NCOA1: variants seen among roughly 807,000 people sequenced by gnomAD.
The protein encoded by NCOA1 is Hin-2 protein.
In NCOA1, 35 loss-of-function variants were observed where a neutral mutation model predicts 150.9. The observed-to-expected ratio is 0.23, with a 90% CI of 0.18 to 0.31. NCOA1 has a LOEUF of 0.31. Ranked by LOEUF, NCOA1 falls within the 10% of genes least tolerant of loss-of-function variation. The probability of loss-of-function intolerance (pLI) is 1.00; values close to 1 mark genes in which losing one functional copy is unlikely to be tolerated. For missense variants in NCOA1, 1,491 were observed against 1,749.3 expected, an observed-to-expected ratio of 0.85 and a Z score of 2.63; for synonymous variants, 590 against 630.0, an observed-to-expected ratio of 0.94 and a Z score of 0.95.
intron 5 of NCOA1, among the ~76,000 whole-genome samples, chr2:24,663,490 A>G (rs1280912244): frequency 2.0e-5 from 3 of 152,162 alleles, no homozygotes; most frequent in African/African-American, 7.2e-5. Context: ...GTATAGGAGT[A>G]TTTGTTGAGT....
At chr2:24,692,321 A>C (rs1484685697) in intron 9 of NCOA1, among the ~76,000 whole-genome samples, 3 of 152,216 alleles carry the variant, frequency 2.0e-5, no homozygotes, top group African/African-American at 7.2e-5. Flanking sequence ...CAGGAAACGG[A>C]GGTAACAATC....
At chr2:24,752,850 A>G (rs1291560461) in intron 20 of NCOA1, among the ~76,000 whole-genome samples, 1 of 150,438 alleles carries the variant, frequency 6.6e-6, no homozygotes, top group Non-Finnish European at 1.5e-5. Context: ...TGACTCACCC[A>G]TCTTGCTTAG....
intron 1 of NCOA1, among the ~76,000 whole-genome samples, chr2:24,505,744 C>G (rs910085223): frequency 6.6e-6 from 1 of 152,086 alleles, no homozygotes; most frequent in Admixed American, 6.6e-5. Flanking sequence ...ACACTTCATT[C>G]TCTTGGACAC....
intron 2 of NCOA1, among the ~76,000 whole-genome samples, chr2:24,577,733 A>G (rs1312561108): frequency 2.0e-5 from 3 of 152,224 alleles, no homozygotes; most frequent in African/African-American, 7.2e-5. Context: ...TAGTCACACC[A>G]GTGTCTTCCA....
intron 19 of NCOA1, among the ~76,000 whole-genome samples, chr2:24,750,587 T>A (rs546399793): frequency 6.6e-6 from 1 of 152,356 alleles, no homozygotes; most frequent in African/African-American, 2.4e-5. Flanking sequence ...CAGAAGACCA[T>A]GTATGGCTAC....
rs1048819676 is a variant in NCOA1 at position 24,727,106 on chromosome 2, C to T, written c.2717+400C>T. On this transcript the variant is annotated intron_variant, in intron 15 of 22. Coordinates refer to ENST00000348332, the MANE Select transcript of NCOA1 (RefSeq NM_003743.5). Reference sequence around the variant, plus strand: ...TGAGCCAAGATTGCGCCATTGCACTCCAGCCTGGGCAACAAGAGTGAAACT... The same window carrying T: ...TGAGCCAAGATTGCGCCATTGCACTTCAGCCTGGGCAACAAGAGTGAAACT... Among the ~76,000 whole-genome samples, 8 of 146,118 alleles carry T rather than the reference C, an allele frequency of 5.5e-5. 1 individual carries two copies. The highest frequency in any genetic ancestry group is 1.2e-4 in the Non-Finnish European group (8 of 67,106).
intron 1 of NCOA1, among the ~76,000 whole-genome samples, chr2:24,524,673 T>C (rs1369798177): frequency 6.6e-6 from 1 of 151,516 alleles, no homozygotes; most frequent in Non-Finnish European, 1.5e-5. Context: ...AATGGTGCGA[T>C]CTCAGCTCAC....
chr2:24,530,810 TA>T (rs1421192469), intron 1 of NCOA1, among the ~76,000 whole-genome samples: 1 of 152,154 alleles, frequency 6.6e-6, no homozygotes, highest in Non-Finnish European at 1.5e-5. Context: ...GAGATGAAAA[TA>T]TATTTATGAA....
At chr2:24,599,296 T>TCTTGG (rs1167143803) in intron 3 of NCOA1, among the ~76,000 whole-genome samples, 1 of 152,216 alleles carries the variant, frequency 6.6e-6, no homozygotes, top group East Asian at 1.9e-4. Context: ...AGACACAAAA[T>TCTTGG]ATGGTATCTT....
chr2:24,658,583 C>T (rs1671045969), intron 4 of NCOA1, 78 bp from the exon 5 acceptor site: 5 of 1,020,126 alleles, frequency 4.9e-6, no homozygotes, highest in Non-Finnish European at 7.6e-6. Context: ...AATTTTCTAA[C>T]AGAGGGGAGC....
At chr2:24,506,269 G>T (rs1172587957) in intron 1 of NCOA1, among the ~76,000 whole-genome samples, 1 of 151,950 alleles carries the variant, frequency 6.6e-6, no homozygotes, top group African/African-American at 2.4e-5. Context: ...TGACCAGCTG[G>T]TTTGCTTGTA....
intron 1 of NCOA1, among the ~76,000 whole-genome samples, chr2:24,562,549 G>T (rs562915072): frequency 1.3e-5 from 2 of 152,302 alleles, no homozygotes; most frequent in Non-Finnish European, 2.9e-5. Flanking sequence ...GAGGTAGAGT[G>T]GCAAAAGTTT....
intron 6 of NCOA1, among the ~76,000 whole-genome samples, chr2:24,668,861 C>G (rs1240496155): frequency 2.0e-5 from 3 of 151,598 alleles, no homozygotes; most frequent in Non-Finnish European, 4.4e-5. Context: ...ATGAATTTTT[C>G]AGCTCTGGAG....
intron 1 of NCOA1, among the ~76,000 whole-genome samples, chr2:24,535,821 T>C (rs1168524494): frequency 6.6e-6 from 1 of 152,250 alleles, no homozygotes; most frequent in African/African-American, 2.4e-5. Context: ...AGAGATCCGC[T>C]GTTAGTCTGA....
chr2:24,732,621 A>G (rs1434192259), intron 17 of NCOA1, among the ~76,000 whole-genome samples: 1 of 152,224 alleles, frequency 6.6e-6, no homozygotes, highest in African/African-American at 2.4e-5. Context: ...AAGGAAAGAA[A>G]AAAAGATCAA....
At chr2:24,495,107 T>C (rs1273862291) in intron 1 of NCOA1, among the ~76,000 whole-genome samples, 2 of 151,344 alleles carry the variant, frequency 1.3e-5, no homozygotes, top group East Asian at 3.9e-4. Flanking sequence ...TTTTTTGTTT[T>C]TTTTTTTTAA....
intron 1 of NCOA1, among the ~76,000 whole-genome samples, chr2:24,518,969 T>A (rs1664313008): frequency 6.6e-6 from 1 of 152,204 alleles, no homozygotes; most frequent in South Asian, 2.1e-4. Flanking sequence ...GTTGACAAGC[T>A]GATTCTAAAA....
intron 3 of NCOA1, among the ~76,000 whole-genome samples, chr2:24,633,026 AGAGAAAAACTG>A (rs1480873426): frequency 1.3e-5 from 2 of 152,218 alleles, no homozygotes; most frequent in African/African-American, 4.8e-5. Flanking sequence ...ATAAGCAAAT[AGAGAAAAACTG>A]GAGAAAATAG....
intron 12 of NCOA1, among the ~76,000 whole-genome samples, chr2:24,705,516 G>A (rs550281835): frequency 5.1e-4 from 78 of 152,238 alleles, no homozygotes; most frequent in African/African-American, 1.8e-3. Flanking sequence ...TTCCATATGT[G>A]AATCTTATAA....
Sources: allele counts gnomAD v4.1 joint callset (sites outside exome capture counted in the v4.1 genomes callset), GRCh38; gene constraint gnomAD v4.1.1; transcripts MANE v1.5; gene names NCBI Gene and HGNC (gene_info 2026-07-23, HGNC 2026-07-21).